AKAP7: variants seen among roughly 807,000 people sequenced by gnomAD.
AKAP7 encodes the protein A kinase (PRKA) anchor protein 7.
Under a neutral mutation model 39.5 loss-of-function variants are expected in AKAP7, and 39 were observed. That is an observed-to-expected ratio of 0.99 (90% CI 0.76 to 1.29). AKAP7 has a LOEUF of 1.29. AKAP7 is among the 50% of genes most tolerant of loss of function. AKAP7 has a pLI of 0.00. For missense variants in AKAP7, 414 were observed against 407.7 expected (o/e 1.02, Z -0.13); for synonymous variants, 140 against 139.1 (o/e 1.01, Z -0.05).
At chr6:131,172,827 A>G (rs1432384132) in intron 5 of AKAP7, among the ~76,000 whole-genome samples, 2 of 152,254 alleles carry the variant, frequency 1.3e-5, no homozygotes, top group Non-Finnish European at 2.9e-5. Flanking sequence ...AAACAGGTTT[A>G]TGGAAATTCT....
At chr6:131,173,845 T>C (rs1267992260) in intron 5 of AKAP7, among the ~76,000 whole-genome samples, 1 of 152,220 alleles carries the variant, frequency 6.6e-6, no homozygotes, top group Admixed American at 6.5e-5. Flanking sequence ...TCATTCATTG[T>C]TCTTTTAAAT....
chr6:131,173,101 C>T (rs756455244), intron 5 of AKAP7, among the ~76,000 whole-genome samples: 5 of 150,264 alleles, frequency 3.3e-5, no homozygotes, highest in Non-Finnish European at 7.4e-5. Context: ...CTCAAGAGGC[C>T]GAGGCAGGAG....
chr6:131,280,601 C>T (rs1815122395), intron 7 of AKAP7, among the ~76,000 whole-genome samples: 1 of 152,176 alleles, frequency 6.6e-6, no homozygotes, highest in Non-Finnish European at 1.5e-5. Context: ...TCTTAATGTG[C>T]GAGCATCCTG....
intron 7 of AKAP7, among the ~76,000 whole-genome samples, chr6:131,239,751 G>T (rs952415388): frequency 6.6e-6 from 1 of 152,116 alleles, no homozygotes; most frequent in African/African-American, 2.4e-5. Flanking sequence ...TTGGTTTTCA[G>T]CTTCATCAGG....
At chr6:131,128,991 A>G in the AKAP7 span, among the ~76,000 whole-genome samples, 1 of 152,172 alleles carries the variant, frequency 6.6e-6, no homozygotes, top group Non-Finnish European at 1.5e-5. Flanking sequence ...ATAAGGATAT[A>G]ATATGCATGA....
intron 4 of AKAP7, among the ~76,000 whole-genome samples, chr6:131,167,661 T>C (rs2128242929): frequency 6.6e-6 from 1 of 152,250 alleles, no homozygotes; most frequent in East Asian, 1.9e-4. Context: ...TATACTAAAG[T>C]ATAGTGCATT....
At chr6:131,240,692 A>G (rs1426105312) in intron 7 of AKAP7, among the ~76,000 whole-genome samples, 2 of 152,284 alleles carry the variant, frequency 1.3e-5, no homozygotes, top group African/African-American at 4.8e-5. Context: ...CCATGGGTGT[A>G]GGACCCGCCG....
chr6:131,132,299 C>T (rs1227675590), upstream of AKAP7, among the ~76,000 whole-genome samples: 2 of 136,764 alleles, frequency 1.5e-5, no homozygotes, highest in East Asian at 2.3e-4. Context: ...GGCGACAGAG[C>T]GAGATTCCGT....
At chr6:131,153,493 G>A (rs1173554205) in intron 2 of AKAP7, among the ~76,000 whole-genome samples, 1 of 152,112 alleles carries the variant, frequency 6.6e-6, no homozygotes, top group East Asian at 1.9e-4. Context: ...AGAATGGTTA[G>A]AGTTGTTATA....
chr6:131,194,839 A>T (rs1031435092), intron 5 of AKAP7, among the ~76,000 whole-genome samples: 3 of 152,020 alleles, frequency 2.0e-5, no homozygotes, highest in African/African-American at 7.2e-5. Flanking sequence ...ATTTTCTCTG[A>T]TAGAATCATA....
At chr6:131,209,942 G>A (rs1808494196) in intron 6 of AKAP7, among the ~76,000 whole-genome samples, 1 of 152,180 alleles carries the variant, frequency 6.6e-6, no homozygotes. Flanking sequence ...TTTAGTAAGT[G>A]ACAGCTAATT....
intron 7 of AKAP7, among the ~76,000 whole-genome samples, chr6:131,269,217 C>A (rs543692779): frequency 6.6e-6 from 1 of 152,166 alleles, no homozygotes; most frequent in Non-Finnish European, 1.5e-5. Context: ...CATGAGCCAC[C>A]ACGCCTGGCT....
chr6:131,136,707 C>G (rs1481057450), intron 1 of AKAP7: 1 of 220,434 alleles, frequency 4.5e-6, no homozygotes, highest in Non-Finnish European at 7.6e-6. Flanking sequence ...CATTTTCGGA[C>G]ACTATTAACT....
intron 3 of AKAP7, among the ~76,000 whole-genome samples, chr6:131,163,005 G>GCT (rs3836925): frequency 0.24 from 35,763 of 150,108 alleles, 5,185 homozygotes; most frequent in East Asian, 0.74. Context: ...TTTCGCTCTC[G>GCT]CTCTCTCTCT....
intron 5 of AKAP7, among the ~76,000 whole-genome samples, chr6:131,194,652 C>CT (rs1207487085): frequency 6.6e-6 from 1 of 151,984 alleles, no homozygotes; most frequent in Non-Finnish European, 1.5e-5. Flanking sequence ...AAGTATGCAG[C>CT]TATTATTGTA....
In AKAP7 at chr6:131,282,764, GC is replaced by G. The variant is rs1472099413; in HGVS notation, c.*1041del. 2.2e-5 allele frequency: 12 copies of G among 536,168 alleles called. No homozygotes were observed. Among genetic ancestry groups the G allele is most frequent in the Non-Finnish European group, 1.3e-5 (4 of 318,482 alleles). 33.2% of individuals were successfully genotyped at this position (536,168 alleles called of 1,614,324 possible). On this transcript the variant is annotated 3_prime_UTR_variant, in exon 8 of 8. Coordinates refer to ENST00000431975, the MANE Select transcript of AKAP7 (RefSeq NM_016377.4). The stretch of plus-strand genomic sequence containing the variant: ...TTTCTTGCCAAAGAAAATTGATTCT[GC>G]CCAATTATTTTTTGAGCTACACTTG...
intron 4 of AKAP7, among the ~76,000 whole-genome samples, chr6:131,165,729 T>C (rs1803415018): frequency 6.6e-6 from 1 of 152,202 alleles, no homozygotes. Flanking sequence ...AGAGTCACTG[T>C]ACTCTACCTA....
At chr6:131,130,657 C>T (rs1290375018), upstream of AKAP7, among the ~76,000 whole-genome samples, 1 of 152,098 alleles carries the variant, frequency 6.6e-6, no homozygotes, top group Non-Finnish European at 1.5e-5. Flanking sequence ...CCACTGTGGC[C>T]AGGTGAATTA....
chr6:131,227,659 A>G (rs1810291943), intron 7 of AKAP7, among the ~76,000 whole-genome samples: 1 of 152,200 alleles, frequency 6.6e-6, no homozygotes, highest in Non-Finnish European at 1.5e-5. Flanking sequence ...CTCCATTGAC[A>G]TGGTGATAGA....
Sources: allele counts gnomAD v4.1 joint callset (sites outside exome capture counted in the v4.1 genomes callset), GRCh38; gene constraint gnomAD v4.1.1; transcripts MANE v1.5; gene names NCBI Gene and HGNC (gene_info 2026-07-23, HGNC 2026-07-21).